The following P2RY14 variants were observed in gnomAD, a reference collection of about 807,000 sequenced individuals.
P2RY14 encodes P2Y purinoceptor 14.
A neutral mutation model predicts 0.9 loss-of-function variants in P2RY14; 2 were observed. The observed-to-expected ratio is 2.16, with a 90% CI of 0.88 to 6.79. P2RY14 has a LOEUF of 6.79. Among genes scored for constraint, P2RY14 ranks in the 30% most tolerant of loss-of-function variants. The pLI is 0.05. For synonymous variants in P2RY14, 158 were observed against 147.2 expected (o/e 1.07, Z -0.53); for missense variants, 378 against 400.1 (o/e 0.94, Z 0.47).
intron 2 of P2RY14, among the ~76,000 whole-genome samples, chr3:151,217,578 A>G (rs1302415573): frequency 1.3e-5 from 2 of 152,098 alleles, no homozygotes; most frequent in Non-Finnish European, 2.9e-5. Flanking sequence ...TTTTGATGCA[A>G]TTGCAGATGA....
At chr3:151,269,845 A>C in intron 1 of P2RY14, 1 of 450,190 alleles carries the variant, frequency 2.2e-6, no homozygotes, top group South Asian at 1.6e-5. Context: ...CGCAGAGTAA[A>C]GTCAGCAGGA....
intron 2 of P2RY14, among the ~76,000 whole-genome samples, chr3:151,215,512 A>G (rs989175248): frequency 6.6e-5 from 10 of 152,202 alleles, no homozygotes; most frequent in Admixed American, 2.6e-4. Flanking sequence ...TTTAAATTAC[A>G]TATGTGTTTC....
chr3:151,245,205 T>C (rs1399559994), intron 1 of P2RY14, among the ~76,000 whole-genome samples: 1 of 152,170 alleles, frequency 6.6e-6, no homozygotes, highest in Non-Finnish European at 1.5e-5. Context: ...GAGGAACTGG[T>C]ACCATTCCTT....
chr3:151,273,571 G>A (rs972270078), intron 1 of P2RY14, among the ~76,000 whole-genome samples: 4 of 151,858 alleles, frequency 2.6e-5, no homozygotes, highest in Admixed American at 6.6e-5. Flanking sequence ...TTACTGTTCT[G>A]GGTAATTTAT....
chr3:151,272,619 C>G (rs1741153975), intron 1 of P2RY14, among the ~76,000 whole-genome samples: 1 of 152,060 alleles, frequency 6.6e-6, no homozygotes, highest in African/African-American at 2.4e-5. Context: ...TGTCCTCTGC[C>G]CCAAGTATAA....
intron 1 of P2RY14, among the ~76,000 whole-genome samples, chr3:151,223,373 A>C (rs1729798416): frequency 6.6e-6 from 1 of 152,218 alleles, no homozygotes; most frequent in African/African-American, 2.4e-5. Flanking sequence ...TTGTTTTACC[A>C]AAAAGACACC....
chr3:151,227,142 A>G (rs558872763), intron 1 of P2RY14, among the ~76,000 whole-genome samples: 1 of 152,356 alleles, frequency 6.6e-6, no homozygotes, highest in South Asian at 2.1e-4. Context: ...TCAGTGACCA[A>G]CATGTGTTAA....
At chr3:151,259,794 G>A (rs773018147) in intron 1 of P2RY14, among the ~76,000 whole-genome samples, 1 of 152,056 alleles carries the variant, frequency 6.6e-6, no homozygotes, top group Non-Finnish European at 1.5e-5. Context: ...TTAGAGTCCT[G>A]GTTTATAGTT....
At chr3:151,228,278 A>C (rs1394190557) in intron 1 of P2RY14, among the ~76,000 whole-genome samples, 1 of 149,188 alleles carries the variant, frequency 6.7e-6, no homozygotes, top group African/African-American at 2.4e-5. Flanking sequence ...TTTGTGTATC[A>C]GTTTTTACAT....
In P2RY14 at chr3:151,212,964, T is replaced by G; in HGVS notation, c.*336A>C. Reference sequence around the variant, plus strand: ...CTGAGTGAGTTGTCTTTGATTATGTTGTGTTTTATTTACTATTTAAATTTC... The same window carrying G: ...CTGAGTGAGTTGTCTTTGATTATGTGGTGTTTTATTTACTATTTAAATTTC... On this transcript the variant is annotated 3_prime_UTR_variant, in exon 3 of 3. Transcript: ENST00000309170. The G allele has an allele frequency of 6.3e-6, 1 of 158,426 alleles. No individual in the cohort carries two copies. The highest frequency in any genetic ancestry group is 6.4e-5 in the Admixed American group (1 of 15,522). 9.8% of individuals were successfully genotyped at this position (158,426 alleles called of 1,614,324 possible). A position where few individuals can be genotyped will look rare whatever the true frequency, so the allele number is the denominator to read the frequency against.
chr3:151,221,023 A>G (rs1369510492), intron 1 of P2RY14, among the ~76,000 whole-genome samples: 1 of 152,246 alleles, frequency 6.6e-6, no homozygotes, highest in Non-Finnish European at 1.5e-5. Flanking sequence ...GATAAAGTCC[A>G]GGGTGAGGTG....
chr3:151,264,444 C>T (rs1003919356), intron 1 of P2RY14, among the ~76,000 whole-genome samples: 6 of 152,210 alleles, frequency 3.9e-5, no homozygotes, highest in African/African-American at 1.4e-4. Flanking sequence ...TTATTGAAAA[C>T]GCCTTATGGC....
chr3:151,213,587 CAAAA>C lies in P2RY14; in HGVS notation c.726_729del (p.Phe242LeufsTer34). Reference sequence around the variant, plus strand: ...GCAATATGGTAAGGTACAAAACAGACAAAAAACACAAACACGATGCTGAATATGT... The same window carrying C: ...GCAATATGGTAAGGTACAAAACAGACAACACAAACACGATGCTGAATATGT... On this transcript the variant is annotated frameshift_variant, in exon 3 of 3. Coordinates refer to ENST00000309170, the MANE Select transcript of P2RY14 (RefSeq NM_014879.4). LOFTEE classifies it high-confidence loss of function. 1.9e-6 allele frequency: 3 copies of C among 1,614,088 alleles called. No individual in the cohort carries two copies. The highest frequency in any genetic ancestry group is 2.5e-6 in the Non-Finnish European group (3 of 1,180,022).
Position 151,250,907 on chromosome 3 carries a change from C to T in P2RY14, c.-133+27380G>A, listed in dbSNP as rs187669589. Among the ~76,000 whole-genome samples, 353 of 152,330 alleles carry T rather than the reference C, an allele frequency of 2.3e-3. 3 individuals carry two copies. Among genetic ancestry groups the T allele is most frequent in the Admixed American group, 0.021 (319 of 15,306 alleles). On this transcript the variant is annotated intron_variant, in intron 1 of 2. Coordinates refer to ENST00000309170, the MANE Select transcript of P2RY14 (RefSeq NM_014879.4). ...CAACAGTGCACAAAGGTGTCACTTT[C>T]CCCACATCCTTGCTAACACTTGTTT...
chr3:151,236,966 T>A (rs1014524666), intron 1 of P2RY14, among the ~76,000 whole-genome samples: 2 of 152,150 alleles, frequency 1.3e-5, no homozygotes, highest in African/African-American at 4.8e-5. Context: ...TTTGAAAATT[T>A]CTCGTGGATA....
intron 2 of P2RY14, among the ~76,000 whole-genome samples, chr3:151,217,932 A>G (rs763021496): frequency 7.9e-5 from 12 of 152,216 alleles, no homozygotes; most frequent in Admixed American, 7.9e-4. Context: ...TAAGGCAAGT[A>G]AGACCAAATT....
chr3:151,243,958 G>T (rs1019451358), intron 1 of P2RY14, among the ~76,000 whole-genome samples: 2 of 146,468 alleles, frequency 1.4e-5, no homozygotes, highest in African/African-American at 2.5e-5. Flanking sequence ...AAAGGCAGGG[G>T]TTGCAATACT....
chr3:151,226,387 G>A (rs1205220529), intron 1 of P2RY14, among the ~76,000 whole-genome samples: 2 of 152,164 alleles, frequency 1.3e-5, no homozygotes, highest in African/African-American at 4.8e-5. Flanking sequence ...ATGAGTAAAC[G>A]TTTACGTTAC....
At chr3:151,265,307 T>TACGG (rs1269598807) in intron 1 of P2RY14, among the ~76,000 whole-genome samples, 1 of 152,088 alleles carries the variant, frequency 6.6e-6, no homozygotes, top group African/African-American at 2.4e-5. Context: ...CTTTTAAAGT[T>TACGG]AAAGAGATCA....
Sources: gnomAD v4.1 joint callset for allele counts (sites outside exome capture counted in the v4.1 genomes callset) on GRCh38, gnomAD v4.1.1 for gene constraint, MANE v1.5 for transcripts, NCBI Gene and HGNC (gene_info 2026-07-23, HGNC 2026-07-21) for gene names.